Variants in PTPRD observed in about 807,000 individuals in gnomAD.
PTPRD encodes the protein receptor-type tyrosine-protein phosphatase delta.
A neutral mutation model predicts 214.5 loss-of-function variants in PTPRD; 34 were observed. That is an observed-to-expected ratio of 0.16 (90% CI 0.12 to 0.21). PTPRD has a LOEUF of 0.21. Among genes scored for constraint, PTPRD ranks in the 10% least tolerant of loss-of-function variants. The pLI, the probability that PTPRD is intolerant of heterozygous loss-of-function variation, is 1.00. For missense variants in PTPRD, 2,545 were observed against 2,398.7 expected, an observed-to-expected ratio of 1.06 and a Z score of -1.27; for synonymous variants, 1,128 against 845.7, an observed-to-expected ratio of 1.33 and a Z score of -5.79.
chr9:10,406,860 C>G (rs551026002), intron 2 of PTPRD, among the ~76,000 whole-genome samples: 75 of 151,666 alleles, frequency 4.9e-4, no homozygotes, highest in African/African-American at 1.8e-3. Flanking sequence ...CACGATCTCA[C>G]AGGATCCCTG....
chr9:10,110,409 T>G (rs2098680147), intron 3 of PTPRD, among the ~76,000 whole-genome samples: 1 of 152,168 alleles, frequency 6.6e-6, no homozygotes, highest in African/African-American at 2.4e-5. Flanking sequence ...GCTTTTACAT[T>G]TGGTTTTCTG....
At chr9:10,034,406 A>ATTT (rs1567216458) in intron 3 of PTPRD, among the ~76,000 whole-genome samples, 1 of 103,290 alleles carries the variant, frequency 9.7e-6, no homozygotes, top group Non-Finnish European at 2.2e-5. Context: ...TCCTGGCTCT[A>ATTT]CTTTTTTTTT....
At chr9:9,655,909 C>T (rs1023138792) in intron 7 of PTPRD, among the ~76,000 whole-genome samples, 1 of 151,900 alleles carries the variant, frequency 6.6e-6, no homozygotes, top group South Asian at 2.1e-4. Flanking sequence ...ACCCAGGAGA[C>T]GGAGGTTGCA....
intron 3 of PTPRD, among the ~76,000 whole-genome samples, chr9:10,308,263 C>A (rs957781251): frequency 6.6e-6 from 1 of 151,892 alleles, no homozygotes; most frequent in Non-Finnish European, 1.5e-5. Flanking sequence ...TAGCATCTGG[C>A]TTCATTATTC....
Position 9,935,925 on chromosome 9 carries a change from A to G in PTPRD, c.-368+2582T>C, listed in dbSNP as rs868654748. On this transcript the variant is annotated intron_variant, in intron 5 of 45. Coordinates refer to ENST00000381196, the MANE Select transcript of PTPRD (RefSeq NM_002839.4). Reference sequence around the variant, plus strand: ...ACAGAGCCCTCAGAAATAATGCTGCATATCTACAACTATCTGATCTTTGAC... The same window carrying G: ...ACAGAGCCCTCAGAAATAATGCTGCGTATCTACAACTATCTGATCTTTGAC... Among the ~76,000 whole-genome samples, 1,408 of 151,104 alleles carry G rather than the reference A, an allele frequency of 9.3e-3. 20 individuals are homozygous for G. The highest frequency in any genetic ancestry group is 0.032 in the African/African-American group (1,315 of 40,962).
intron 4 of PTPRD, among the ~76,000 whole-genome samples, 195 bp from the exon 5 acceptor site, chr9:9,938,805 C>G (rs952103390): frequency 6.6e-6 from 1 of 152,074 alleles, no homozygotes; most frequent in South Asian, 2.1e-4. Flanking sequence ...GTCAAAGGGA[C>G]CATCTATATT....
At chr9:10,194,043 A>T (rs2099386014) in intron 3 of PTPRD, among the ~76,000 whole-genome samples, 1 of 152,016 alleles carries the variant, frequency 6.6e-6, no homozygotes, top group Non-Finnish European at 1.5e-5. Context: ...AGTACTTCTA[A>T]AATAAATGAT....
At chr9:10,013,254 C>T (rs2096637034) in intron 4 of PTPRD, among the ~76,000 whole-genome samples, 1 of 151,728 alleles carries the variant, frequency 6.6e-6, no homozygotes, top group African/African-American at 2.4e-5. Context: ...ACATCAGGTC[C>T]CTGGCCTCTA....
chr9:10,090,743 C>T (rs981961217), intron 3 of PTPRD, among the ~76,000 whole-genome samples: 1 of 144,640 alleles, frequency 6.9e-6, no homozygotes, highest in African/African-American at 2.6e-5. Context: ...AACTTATTTA[C>T]ATGTTAACTC....
intron 8 of PTPRD, among the ~76,000 whole-genome samples, chr9:9,447,733 T>C (rs2090920315): frequency 6.6e-6 from 1 of 152,108 alleles, no homozygotes; most frequent in Admixed American, 6.6e-5. Flanking sequence ...TGTCATTTGA[T>C]TACAATTGCT....
intron 5 of PTPRD, among the ~76,000 whole-genome samples, chr9:9,906,570 T>C (rs1205426465): frequency 6.6e-6 from 1 of 151,940 alleles, no homozygotes; most frequent in African/African-American, 2.4e-5. Context: ...AAGACAGACA[T>C]TCCTATGACA....
At chr9:9,064,189 G>A (rs1166986195) in intron 10 of PTPRD, among the ~76,000 whole-genome samples, 1 of 152,030 alleles carries the variant, frequency 6.6e-6, no homozygotes, top group Non-Finnish European at 1.5e-5. Context: ...TGTTTTCTCA[G>A]CATCTGTAGT....
At chr9:8,361,170 T>C (rs546031761) in intron 39 of PTPRD, among the ~76,000 whole-genome samples, 30 of 152,350 alleles carry the variant, frequency 2.0e-4, no homozygotes, top group South Asian at 4.1e-4. Context: ...TTTTTTTCTA[T>C]TTTCTTCTTT....
At chr9:9,954,297 C>CA (rs781628679) in intron 4 of PTPRD, among the ~76,000 whole-genome samples, 14,312 of 53,658 alleles carry the variant, frequency 0.27, 3,277 homozygotes, top group Non-Finnish European at 0.43. Context: ...TGTCTCAAAA[C>CA]AAAAAAAAAA....
intron 7 of PTPRD, among the ~76,000 whole-genome samples, chr9:9,589,930 C>T (rs2092540863): frequency 6.6e-6 from 1 of 151,984 alleles, no homozygotes; most frequent in South Asian, 2.1e-4. Flanking sequence ...GTCATCTCGG[C>T]AATATCTATC....
chr9:10,425,723 T>G (rs1453828470), intron 2 of PTPRD, among the ~76,000 whole-genome samples: 1 of 151,970 alleles, frequency 6.6e-6, no homozygotes, highest in Non-Finnish European at 1.5e-5. Context: ...TGAGCCACAC[T>G]TCACGGCTCA....
At chr9:9,820,515 T>C (rs1351382814) in intron 5 of PTPRD, among the ~76,000 whole-genome samples, 2 of 152,196 alleles carry the variant, frequency 1.3e-5, no homozygotes, top group African/African-American at 2.4e-5. Flanking sequence ...ATTTTTGTTG[T>C]TGTTGCAATT....
In PTPRD at chr9:9,200,616, G is replaced by A. The variant is rs147122751; in HGVS notation, c.-202-17253C>T. On this transcript the variant is annotated intron_variant, in intron 9 of 45. Transcript: ENST00000381196. ...ATTCCAACCAAGACTGTCTGTTGCA[G>A]ATTTCATTGATTTTTTCATTACGCC... 2.6e-3 allele frequency among the ~76,000 whole-genome samples: 403 copies of A among 152,310 alleles called. 1 individual carries two copies. The highest frequency in any genetic ancestry group is 9.0e-3 in the African/African-American group (375 of 41,582).
intron 8 of PTPRD, among the ~76,000 whole-genome samples, chr9:9,509,536 G>C (rs2096649639): frequency 6.6e-6 from 1 of 150,996 alleles, no homozygotes; most frequent in South Asian, 2.1e-4. Context: ...TTCTTCCTTA[G>C]CCCTCCCTAA....
Sources: allele counts gnomAD v4.1 joint callset (sites outside exome capture counted in the v4.1 genomes callset), GRCh38; gene constraint gnomAD v4.1.1; transcripts MANE v1.5; gene names NCBI Gene and HGNC (gene_info 2026-07-23, HGNC 2026-07-21).